MAZ: variants seen among roughly 807,000 people sequenced by gnomAD.
MAZ encodes MYC associated zinc finger protein.
Under a neutral mutation model 32.7 loss-of-function variants are expected in MAZ, and 4 were observed. That is an observed-to-expected ratio of 0.12 (90% confidence interval 0.06 to 0.28). The LOEUF is 0.28. Among genes scored for constraint, MAZ ranks in the 10% least tolerant of loss-of-function variants. MAZ has a pLI of 1.00. For missense variants in MAZ, 763 were observed against 667.2 expected, an observed-to-expected ratio of 1.14 and a Z score of -1.58; for synonymous variants, 510 against 297.6, an observed-to-expected ratio of 1.71 and a Z score of -7.35.
At position 29,806,881 on chromosome 16, in the gene MAZ, G is replaced by T. The variant is rs1296275784; in HGVS notation, c.180G>T (p.Gln60His). ...SRFFASQGCA[Q>H]SPFQAAPAPP... ...TCTTTGCCTCCCAGGGCTGCGCCCA[G>T]AGTCCATTCCAGGTGAGTAGGGCCG... Residue 60 changes from glutamine (Q) to histidine (H), a missense_variant, in exon 1 of 5, where the codon CAG (glutamine) becomes CAT (histidine). By Grantham distance (24) the Gln-to-His change is conservative. Coordinates refer to ENST00000322945, the MANE Select transcript of MAZ (RefSeq NM_002383.4). 7.1e-7 allele frequency: 1 copy of T among 1,417,952 alleles called. No homozygotes were observed. The highest frequency in any genetic ancestry group is 9.3e-7 in the Non-Finnish European group (1 of 1,075,520). The allele number at this position is 1,417,952 out of a possible 1,614,324, so 87.8% of individuals were successfully genotyped here.
chr16:29,809,276 T>A (rs1899762566), intron 4 of MAZ: 1 of 549,056 alleles, frequency 1.8e-6, no homozygotes, highest in Admixed American at 3.5e-5. Context: ...TGTCTCGTCA[T>A]CCTGGGAGAG....
chr16:29,808,775 C>T (rs929940211), intron 4 of MAZ, 34 bp downstream of exon 4: 1 of 1,606,454 alleles, frequency 6.2e-7, no homozygotes, highest in African/African-American at 1.3e-5. Context: ...GGGCCAGGGG[C>T]AGAGGGTGGG....
Position 29,810,138 on chromosome 16 carries a change from A to G in MAZ, c.1341A>G (p.Ala447=), listed in dbSNP as rs1479666096. 3.7e-6 allele frequency: 6 copies of G among 1,610,146 alleles called. No homozygotes were observed. In the African/African-American group the frequency reaches 4.0e-5, roughly 11 times the overall value. The change falls in exon 5 of 5, where the codon GCA becomes GCG. Residue 447 remains alanine (A), a synonymous_variant. Transcript: ENST00000322945. ...AAAAAAAAAA[A]AVAAPPTAVG... ...CAGCGGCGGCAGCGGCAGCAGCGGC[A>G]GCAGTAGCAGCCCCTCCCACAGCTG...
chr16:29,807,268 C>T lies in MAZ; in HGVS notation c.483C>T (p.Ala161=), dbSNP rs1432367988. 3.4e-6 allele frequency: 5 copies of T among 1,455,794 alleles called. No individual in the cohort carries two copies. Among genetic ancestry groups the T allele is most frequent in the African/African-American group, 1.5e-5 (1 of 67,994 alleles). 90.2% of individuals were successfully genotyped at this position (1,455,794 alleles called of 1,614,324 possible). A position where few individuals can be genotyped will look rare whatever the true frequency, so the allele number is the denominator to read the frequency against. The stretch of plus-strand genomic sequence containing the variant: ...CCGCCACTATCGCCGCGGCGGCGGC[C>T]ACCGCCGTCGTAGCCCCAACCTCGA... ...ASAATIAAAA[A]TAVVAPTSTV... is the part of the protein sequence containing the mutation. The change falls in exon 2 of 5, where the codon GCC becomes GCT. Residue 161 remains alanine (A), a synonymous_variant. Transcript: ENST00000322945.
Position 29,807,094 on chromosome 16 carries a change from C to G in MAZ, c.309C>G (p.Ala103=), listed in dbSNP as rs1326030125. The change falls in exon 2 of 5, where the codon GCC becomes GCG. Residue 103 remains alanine, a synonymous_variant. Transcript: ENST00000322945. Reference sequence around the variant, plus strand: ...CCGCCGCGGCTGCTGCGGCCGCTGCCGCCGCTGCTGCCGCCGTCGCTGCCG... The same window carrying G: ...CCGCCGCGGCTGCTGCGGCCGCTGCGGCCGCTGCTGCCGCCGTCGCTGCCG... ...QESAAAAAAA[A]AAAAAVAAAP... is the part of the protein sequence containing the mutation. 1.4e-5 allele frequency: 14 copies of G among 996,318 alleles called. No homozygotes were observed. The highest frequency in any genetic ancestry group is 9.2e-5 in the East Asian group (1 of 10,814). 61.7% of individuals were successfully genotyped at this position (996,318 alleles called of 1,614,324 possible). A position where few individuals can be genotyped will look rare whatever the true frequency, so the allele number is the denominator to read the frequency against.
rs1899898547 is a variant in MAZ, at chr16:29,810,653, TTTC to T, written c.*425_*427del. The T allele has an allele frequency of 3.6e-6, 2 of 562,284 alleles. No individual in the cohort carries two copies. Among genetic ancestry groups the T allele is most frequent in the African/African-American group, 3.9e-5 (2 of 51,204 alleles). The allele number at this position is 562,284 out of a possible 1,614,324, so 34.8% of individuals were successfully genotyped here. ...CAGCCCCTCCCCGGGGAGTTGGTGC[TTTC>T]TTTTCCTTTTTTTTTTTTTTCCAGG... On this transcript the variant is annotated 3_prime_UTR_variant, in exon 5 of 5. Coordinates refer to ENST00000322945, the MANE Select transcript of MAZ (RefSeq NM_002383.4).
Position 29,810,903 on chromosome 16 carries a change from A to T in MAZ, c.*672A>T, listed in dbSNP as rs563240749. ...CAGGAGGGCCAGAGGCAGAGAAGAGATGGAGTCTTAGGGGCCAGGGTGAGC... is the reference window on the plus strand; with the variant it reads ...CAGGAGGGCCAGAGGCAGAGAAGAGTTGGAGTCTTAGGGGCCAGGGTGAGC... On this transcript the variant is annotated 3_prime_UTR_variant, in exon 5 of 5. Transcript: ENST00000322945. 40 of 340,510 alleles carry T rather than the reference A, an allele frequency of 1.2e-4. No homozygotes were observed. Among genetic ancestry groups the T allele is most frequent in the Admixed American group, 8.1e-4 (20 of 24,792 alleles). The allele number at this position is 340,510 out of a possible 1,614,324, so 21.1% of individuals were successfully genotyped here.
chr16:29,807,213 C>T lies in MAZ; in HGVS notation c.428C>T (p.Pro143Leu). The T allele has an allele frequency of 1.6e-6, 2 of 1,246,646 alleles. No individual in the cohort carries two copies. Among genetic ancestry groups the T allele is most frequent in the African/African-American group, 3.2e-5 (2 of 63,138 alleles). The allele number at this position is 1,246,646 out of a possible 1,614,324, so 77.2% of individuals were successfully genotyped here. The change falls in exon 2 of 5, where the codon CCC (proline) becomes CTC (leucine). Residue 143 changes from proline (P) to leucine (L), a missense_variant. Coordinates refer to ENST00000322945, the MANE Select transcript of MAZ (RefSeq NM_002383.4). Reference sequence around the variant, plus strand: ...CCGCCACCCCCGCCAGTGTCGGCGCCCGCGGCCGAGGCCGCGCCCCCCGCC... The same window carrying T: ...CCGCCACCCCCGCCAGTGTCGGCGCTCGCGGCCGAGGCCGCGCCCCCCGCC... Reference protein sequence around the residue: ...PPPPPPPVSAPAAEAAPPASA... With the variant: ...PPPPPPPVSALAAEAAPPASA...
At chr16:29,806,933 A>ACGCC (rs765206077) in intron 1 of MAZ, 40 bp downstream of exon 1, 10 of 1,189,182 alleles carry the variant, frequency 8.4e-6, no homozygotes, top group Middle Eastern at 3.1e-4. Context: ...CTGGGGGGGG[A>ACGCC]CGCCCGCCCG....
Position 29,806,621 on chromosome 16 carries a change from G to C in MAZ, c.-81G>C. 2.1e-6 allele frequency: 2 copies of C among 964,842 alleles called. No individual in the cohort carries two copies. Among genetic ancestry groups the C allele is most frequent in the Non-Finnish European group, 2.4e-6 (2 of 817,080 alleles). The allele number at this position is 964,842 out of a possible 1,614,324, so 59.8% of individuals were successfully genotyped here. ...CGCGGCCCAGCCCGGCCGGCCGGGG[G>C]CGGCGCCCCGAGCCCGGGCCCCGCG... On this transcript the variant is annotated 5_prime_UTR_variant, in exon 1 of 5. Coordinates refer to ENST00000322945, the MANE Select transcript of MAZ (RefSeq NM_002383.4).
In MAZ at chr16:29,806,616, C is replaced by T. The variant is rs1432582321; in HGVS notation, c.-86C>T. 8.3e-6 allele frequency: 8 copies of T among 967,510 alleles called. No individual in the cohort carries two copies. Among genetic ancestry groups the T allele is most frequent in the Non-Finnish European group, 9.8e-6 (8 of 819,038 alleles). 59.9% of individuals were successfully genotyped at this position (967,510 alleles called of 1,614,324 possible). On this transcript the variant is annotated 5_prime_UTR_variant, in exon 1 of 5. Transcript: ENST00000322945. ...TTCGGCGCGGCCCAGCCCGGCCGGCCGGGGGCGGCGCCCCGAGCCCGGGCC... is the reference window on the plus strand; with the variant it reads ...TTCGGCGCGGCCCAGCCCGGCCGGCTGGGGGCGGCGCCCCGAGCCCGGGCC...
At chr16:29,807,892 TG>T (rs1567369889) in intron 2 of MAZ, 64 bp downstream of exon 2, 1 of 1,563,818 alleles carries the variant, frequency 6.4e-7, no homozygotes, top group East Asian at 2.3e-5. Flanking sequence ...GGAGGTGGCC[TG>T]GCCGTGGCTG....
At chr16:29,808,022 TG>T in intron 2 of MAZ, 194 bp downstream of exon 2, 1 of 1,166,784 alleles carries the variant, frequency 8.6e-7, no homozygotes, top group Non-Finnish European at 1.2e-6. Context: ...AGGTGGGCCT[TG>T]GGGTTGACGG....
chr16:29,807,186 C>T lies in MAZ; in HGVS notation c.401C>T (p.Pro134Leu). 1 of 1,154,886 alleles carries T rather than the reference C, an allele frequency of 8.7e-7. No homozygotes were observed. Among genetic ancestry groups the T allele is most frequent in the Non-Finnish European group, 1.1e-6 (1 of 921,992 alleles). The allele number at this position is 1,154,886 out of a possible 1,614,324, so 71.5% of individuals were successfully genotyped here. ...GCCCTGAAGCAGCCTCCGGCGCCCC[C>T]TCCGCCACCCCCGCCAGTGTCGGCG... ...TAALKQPPAP[P>L]PPPPPVSAPA... is the part of the protein sequence containing the mutation. Residue 134 changes from proline (P) to leucine (L), a missense_variant, in exon 2 of 5, where the codon CCT becomes CTT. Transcript: ENST00000322945.
At chr16:29,806,921 G>C (rs760860266) in intron 1 of MAZ, 28 bp downstream of exon 1, 17 of 1,258,476 alleles carry the variant, frequency 1.4e-5, no homozygotes, top group South Asian at 1.9e-5. Flanking sequence ...CGGCGGCCCG[G>C]GCTGGGGGGG....
rs1196003437 is a variant in MAZ at position 29,811,150 on chromosome 16, TTAAA to T, written c.*924_*927del. On this transcript the variant is annotated 3_prime_UTR_variant, in exon 5 of 5. Transcript: ENST00000322945. ...TGCGCGGACCCCATTACAATAAATT[TTAAA>T]TAAAATCCTGTTTCTGGCTCTGGAT... is the stretch of plus-strand genomic sequence containing the variant. 2 of 426,838 alleles carry T rather than the reference TTAAA, an allele frequency of 4.7e-6. No individual in the cohort carries two copies. The highest frequency in any genetic ancestry group is 5.4e-5 in the Admixed American group (2 of 37,292). 26.4% of individuals were successfully genotyped at this position (426,838 alleles called of 1,614,324 possible).
In MAZ at chr16:29,807,326, GAGA is replaced by G. The variant is rs749379743; in HGVS notation, c.548_550del (p.Lys183del). 3 of 1,609,138 alleles carry G rather than the reference GAGA, an allele frequency of 1.9e-6. No homozygotes were observed. Among genetic ancestry groups the G allele is most frequent in the Admixed American group, 1.7e-5 (1 of 59,556 alleles). On this transcript the variant is annotated inframe_deletion, in exon 2 of 5. Transcript: ENST00000322945. Reference sequence around the variant, plus strand: ...CGTGGCCCCGGTCGCGTCTGCCTTGGAGAAGAAGACAAAGAGCAAGGGGCCCTA... The same window carrying G: ...CGTGGCCCCGGTCGCGTCTGCCTTGGAGAAGACAAAGAGCAAGGGGCCCTA...
Position 29,811,157 on chromosome 16 carries a change from A to C in MAZ, c.*926A>C, listed in dbSNP as rs1373440054. 4.7e-6 allele frequency: 2 copies of C among 421,100 alleles called. No individual in the cohort carries two copies. Among genetic ancestry groups the C allele is most frequent in the Non-Finnish European group, 9.5e-6 (2 of 209,576 alleles). The allele number at this position is 421,100 out of a possible 1,614,324, so 26.1% of individuals were successfully genotyped here. Reference sequence around the variant, plus strand: ...ACCCCATTACAATAAATTTTAAATAAAATCCTGTTTCTGGCTCTGGATTGA... The same window carrying C: ...ACCCCATTACAATAAATTTTAAATACAATCCTGTTTCTGGCTCTGGATTGA... On this transcript the variant is annotated 3_prime_UTR_variant, in exon 5 of 5. Transcript: ENST00000322945.
At chr16:29,809,190 A>G in intron 4 of MAZ, 1 of 496,020 alleles carries the variant, frequency 2.0e-6, no homozygotes, top group Non-Finnish European at 3.6e-6. Context: ...AACTGGGTTG[A>G]GACCGCGGGG....
Sources: allele counts gnomAD v4.1 joint callset, GRCh38; gene constraint gnomAD v4.1.1; transcripts MANE v1.5; gene names NCBI Gene and HGNC (gene_info 2026-07-23, HGNC 2026-07-21).